TEX26: variants seen among roughly 807,000 people sequenced by gnomAD.
The protein encoded by TEX26 is testis expressed 26, also known as testis-expressed protein 26.
In TEX26, 34 loss-of-function variants were observed where a neutral mutation model predicts 35.3. That is an observed-to-expected ratio of 0.96 (90% CI 0.73 to 1.28). TEX26 has a LOEUF of 1.28. Ranked by LOEUF, TEX26 falls within the 50% of genes most tolerant of loss-of-function variation. The probability of loss-of-function intolerance (pLI) is 0.00; values close to 1 mark genes in which losing one functional copy is unlikely to be tolerated. For missense variants in TEX26, 371 were observed against 330.1 expected, an observed-to-expected ratio of 1.12 and a Z score of -0.96; for synonymous variants, 136 against 111.8, an observed-to-expected ratio of 1.22 and a Z score of -1.36.
At chr13:30,974,129 A>ATATATATATATATAT (rs1555271800) in intron 6 of TEX26, among the ~76,000 whole-genome samples, 14 of 79,022 alleles carry the variant, frequency 1.8e-4, no homozygotes, top group African/African-American at 5.8e-4. Context: ...TAAAAAAAAA[A>ATATATATATATATAT]AAATATATAT....
chr13:30,947,845 C>A (rs565220353), intron 2 of TEX26, among the ~76,000 whole-genome samples: 1 of 151,990 alleles, frequency 6.6e-6, no homozygotes, highest in Non-Finnish European at 1.5e-5. Context: ...CCCATTAACT[C>A]GTCATTTAGC....
At chr13:30,961,244 C>T (rs1003256182) in intron 4 of TEX26, among the ~76,000 whole-genome samples, 5 of 152,126 alleles carry the variant, frequency 3.3e-5, no homozygotes, top group African/African-American at 1.2e-4. Flanking sequence ...TTCTTTGGTT[C>T]AGTTTTGCAG....
At chr13:30,951,740 T>C (rs1365173016) in intron 2 of TEX26, among the ~76,000 whole-genome samples, 1 of 152,198 alleles carries the variant, frequency 6.6e-6, no homozygotes, top group Non-Finnish European at 1.5e-5. Flanking sequence ...GTTTTAAAAA[T>C]ATGTAACAAT....
intron 4 of TEX26, among the ~76,000 whole-genome samples, chr13:30,962,846 G>A (rs968344959): frequency 2.0e-5 from 3 of 151,070 alleles, no homozygotes; most frequent in Admixed American, 6.6e-5. Context: ...TTTTTGAGAC[G>A]GAGTCTCACT....
chr13:30,970,168 AGTGTGTGTGTGTGTGTGT>A (rs57600535), intron 6 of TEX26, among the ~76,000 whole-genome samples: 48,189 of 146,452 alleles, frequency 0.33, 9,188 homozygotes, highest in East Asian at 0.62. Context: ...GGTGTGTGTG[AGTGTGTGTGTGTGTGTGT>A]GTGTGTGTGT....
Position 30,957,204 on chromosome 13 carries a change from G to A in TEX26, c.469+175G>A, listed in dbSNP as rs117989447. On this transcript the variant is annotated intron_variant, in intron 4 of 6. Coordinates refer to ENST00000380473, the MANE Select transcript of TEX26 (RefSeq NM_152325.3). ...TAAAAAGGTGCACCTTGTGGGAAAT[G>A]CAGGTTGCTGTGGGCATACAGGAAG... 7.6e-3 allele frequency among the ~76,000 whole-genome samples: 1,164 copies of A among 152,256 alleles called. 9 individuals are homozygous for A. The highest frequency in any genetic ancestry group is 9.8e-3 in the Non-Finnish European group (665 of 68,012).
intron 2 of TEX26, among the ~76,000 whole-genome samples, chr13:30,947,134 G>A (rs900624125): frequency 1.3e-5 from 2 of 152,012 alleles, no homozygotes; most frequent in Non-Finnish European, 2.9e-5. Flanking sequence ...AATTATTTTA[G>A]TACACAATCG....
intron 4 of TEX26, among the ~76,000 whole-genome samples, chr13:30,965,464 A>C (rs1006021694): frequency 1.3e-5 from 2 of 152,196 alleles, no homozygotes; most frequent in Non-Finnish European, 2.9e-5. Context: ...TATTTTTGAC[A>C]TCTTTGTCTT....
chr13:30,964,192 G>A (rs114730708), intron 4 of TEX26, among the ~76,000 whole-genome samples: 208 of 152,254 alleles, frequency 1.4e-3, no homozygotes, highest in African/African-American at 4.4e-3. Context: ...GCTCTGAGTC[G>A]TATTTCTTAA....
At chr13:30,935,599 C>G (rs779951902) in intron 1 of TEX26, among the ~76,000 whole-genome samples, 3 of 152,344 alleles carry the variant, frequency 2.0e-5, no homozygotes, top group East Asian at 1.9e-4. Context: ...AGTACCCTCT[C>G]GACTGCCGAC....
chr13:30,960,724 T>C (rs1259854790), intron 4 of TEX26, among the ~76,000 whole-genome samples: 3 of 152,266 alleles, frequency 2.0e-5, no homozygotes, highest in African/African-American at 4.8e-5. Context: ...TAATTAACTT[T>C]CAGCATTTTC....
intron 3 of TEX26, among the ~76,000 whole-genome samples, chr13:30,954,285 C>T (rs202184564): frequency 1.8e-5 from 1 of 55,822 alleles, no homozygotes; most frequent in South Asian, 5.2e-4. Flanking sequence ...TATACACACA[C>T]ACACACACAC....
intron 2 of TEX26, among the ~76,000 whole-genome samples, chr13:30,941,807 C>T (rs1209651425): frequency 3.3e-5 from 5 of 152,110 alleles, no homozygotes; most frequent in African/African-American, 1.2e-4. Context: ...CCTCCAGCTC[C>T]ATCCAAGTTG....
intron 1 of TEX26, among the ~76,000 whole-genome samples, chr13:30,939,439 T>C (rs1178319315): frequency 6.6e-6 from 1 of 152,246 alleles, no homozygotes; most frequent in Non-Finnish European, 1.5e-5. Context: ...TTTATGTCTG[T>C]CTTTAATTCT....
At position 30,974,845 on chromosome 13, in the gene TEX26, G is replaced by T; in HGVS notation, c.809-1G>T. ...ATCCTGTTTTTCTTCATACTTTTCA[G>T]ATAGACAAATTATTGATCGCTTTAT... On this transcript the variant is annotated splice_acceptor_variant, in intron 6 of 6. Transcript: ENST00000380473. LOFTEE classifies it high-confidence loss of function. 6.4e-7 allele frequency: 1 copy of T among 1,553,094 alleles called. No homozygotes were observed.
chr13:30,968,580 G>A (rs55974131), intron 5 of TEX26, among the ~76,000 whole-genome samples: 77 of 152,264 alleles, frequency 5.1e-4, no homozygotes, highest in African/African-American at 1.8e-3. Flanking sequence ...ACACTGACCT[G>A]CATAAGAGTC....
chr13:30,974,131 A>AAAAAAATATATATAT lies in TEX26; in HGVS notation c.809-714_809-713insAAAAATATATATATA. On this transcript the variant is annotated intron_variant, in intron 6 of 6. Transcript: ENST00000380473. ...GTGAGCCTCCATCTAAAAAAAAAAA[A>AAAAAAATATATATAT]ATATATATATATATATATATATATA... Among the ~76,000 whole-genome samples, 32 of 84,410 alleles carry AAAAAAATATATATAT rather than the reference A, an allele frequency of 3.8e-4. 2 individuals are homozygous for AAAAAAATATATATAT. Among genetic ancestry groups the AAAAAAATATATATAT allele is most frequent in the Non-Finnish European group, 5.8e-4 (26 of 44,706 alleles). 55.4% of individuals were successfully genotyped at this position (84,410 alleles called of 152,430 possible). A position where few individuals can be genotyped will look rare whatever the true frequency, so the allele number is the denominator to read the frequency against.
intron 1 of TEX26, chr13:30,936,687 C>T: frequency 3.0e-6 from 3 of 985,348 alleles, no homozygotes; most frequent in Non-Finnish European, 3.6e-6. Flanking sequence ...ACTCTGTGTC[C>T]CAGTGCTCCA....
At position 30,960,808 on chromosome 13, in the gene TEX26, T is replaced by C. The variant is rs73165090; in HGVS notation, c.469+3779T>C. ...TAATGAAAATTTGATTGTCCATATT[T>C]GCAAGGGAGCAGAGGCCGATTCATT... On this transcript the variant is annotated intron_variant, in intron 4 of 6. Coordinates refer to ENST00000380473, the MANE Select transcript of TEX26 (RefSeq NM_152325.3). Among the ~76,000 whole-genome samples the C allele has an allele frequency of 8.7e-3, 1,324 of 152,350 alleles. 7 individuals are homozygous for C. The highest frequency in any genetic ancestry group is 0.014 in the Non-Finnish European group (956 of 68,024).
Sources: allele counts gnomAD v4.1 joint callset (sites outside exome capture counted in the v4.1 genomes callset), GRCh38; gene constraint gnomAD v4.1.1; transcripts MANE v1.5; gene names NCBI Gene and HGNC (gene_info 2026-07-23, HGNC 2026-07-21).